NLGN1: variants seen among roughly 807,000 people sequenced by gnomAD.
The protein encoded by NLGN1 is neuroligin 1, also known as neuroligin-1.
NLGN1 carries 12 observed loss-of-function variants against 65.5 expected under a neutral mutation model. The observed-to-expected ratio is 0.18, with a 90% CI of 0.12 to 0.30. NLGN1 has a LOEUF of 0.30. Ranked by LOEUF, NLGN1 falls within the 10% of genes least tolerant of loss-of-function variation. The pLI is 1.00. For missense variants in NLGN1, 750 were observed against 1,007.1 expected (o/e 0.74, Z 3.46); for synonymous variants, 350 against 359.5 (o/e 0.97, Z 0.30).
intron 1 of NLGN1, among the ~76,000 whole-genome samples, chr3:173,429,170 C>T (rs577918253): frequency 1.6e-4 from 25 of 152,172 alleles, no homozygotes; most frequent in Non-Finnish European, 3.1e-4. Context: ...ATCTTATAGA[C>T]ATTCTTTTTT....
intron 4 of NLGN1, among the ~76,000 whole-genome samples, chr3:174,225,417 T>C (rs1739438663): frequency 6.6e-6 from 1 of 152,180 alleles, no homozygotes; most frequent in Non-Finnish European, 1.5e-5. Context: ...TGTCTTATAC[T>C]ATGGCTTTAT....
intron 4 of NLGN1, among the ~76,000 whole-genome samples, chr3:174,110,122 A>G (rs1714864228): frequency 6.6e-6 from 1 of 151,968 alleles, no homozygotes; most frequent in Non-Finnish European, 1.5e-5. Context: ...GCCAGTACCT[A>G]CTTCCCAAGA....
intron 2 of NLGN1, among the ~76,000 whole-genome samples, chr3:173,462,873 G>C (rs962865913): frequency 6.6e-6 from 1 of 152,184 alleles, no homozygotes; most frequent in African/African-American, 2.4e-5. Context: ...TTTATATTCT[G>C]CTGAGACTTT....
chr3:174,000,303 C>T (rs1395980899), intron 4 of NLGN1, among the ~76,000 whole-genome samples: 2 of 151,930 alleles, frequency 1.3e-5, no homozygotes, highest in Non-Finnish European at 2.9e-5. Context: ...TGAATTTTTC[C>T]GTAACATTTA....
intron 4 of NLGN1, among the ~76,000 whole-genome samples, chr3:173,925,946 G>T (rs1195911602): frequency 1.3e-5 from 2 of 151,848 alleles, no homozygotes; most frequent in Non-Finnish European, 2.9e-5. Flanking sequence ...TTTTCAAAAA[G>T]CATACATGCC....
intron 3 of NLGN1, among the ~76,000 whole-genome samples, chr3:173,707,982 A>G (rs541475350): frequency 6.6e-6 from 1 of 152,364 alleles, no homozygotes; most frequent in Admixed American, 6.5e-5. Context: ...TCATAAATGT[A>G]TCACCACAGG....
At chr3:174,046,508 T>C (rs1346379264) in intron 4 of NLGN1, among the ~76,000 whole-genome samples, 3 of 152,150 alleles carry the variant, frequency 2.0e-5, no homozygotes, top group Admixed American at 6.6e-5. Context: ...CCTCCCCCAG[T>C]GTGACATTTG....
chr3:174,005,961 C>G (rs1195088600), intron 4 of NLGN1, among the ~76,000 whole-genome samples: 1 of 151,970 alleles, frequency 6.6e-6, no homozygotes, highest in African/African-American at 2.4e-5. Context: ...TATTTAAGAC[C>G]TTGTTTATGT....
At chr3:173,758,585 C>G (rs1041361195) in intron 3 of NLGN1, among the ~76,000 whole-genome samples, 3 of 151,946 alleles carry the variant, frequency 2.0e-5, no homozygotes, top group Non-Finnish European at 2.9e-5. Flanking sequence ...GCCAGTGTTT[C>G]CCATAATTAG....
chr3:173,756,656 T>C lies in NLGN1; in HGVS notation c.494-51024T>C, dbSNP rs112785032. 4.3e-3 allele frequency among the ~76,000 whole-genome samples: 650 copies of C among 149,700 alleles called. 5 individuals carry two copies. Among genetic ancestry groups the C allele is most frequent in the African/African-American group, 0.015 (608 of 40,812 alleles). ...TTTCCCATTAATAGGAAACAGAACT[T>C]CTTACAAAAATGGCTGATTACAGAT... On this transcript the variant is annotated intron_variant, in intron 3 of 6. Transcript: ENST00000457714.
At chr3:173,513,045 C>A (rs1202447981) in intron 2 of NLGN1, among the ~76,000 whole-genome samples, 1 of 152,114 alleles carries the variant, frequency 6.6e-6, no homozygotes, top group Admixed American at 6.6e-5. Context: ...CCAAAGTGGG[C>A]TAGGAAAACT....
intron 4 of NLGN1, among the ~76,000 whole-genome samples, chr3:174,151,698 G>C (rs534249526): frequency 2.0e-5 from 3 of 152,064 alleles, no homozygotes; most frequent in Non-Finnish European, 2.9e-5. Flanking sequence ...GGTTTCCTTT[G>C]TGTAACCTAG....
At chr3:173,628,978 T>C (rs1017551336) in intron 3 of NLGN1, among the ~76,000 whole-genome samples, 3 of 138,166 alleles carry the variant, frequency 2.2e-5, no homozygotes, top group Admixed American at 2.2e-4. Flanking sequence ...ACACGCTGAA[T>C]ATAATATTTT....
At chr3:174,174,570 T>C (rs1159750389) in intron 4 of NLGN1, among the ~76,000 whole-genome samples, 2 of 152,058 alleles carry the variant, frequency 1.3e-5, no homozygotes, top group South Asian at 2.1e-4. Context: ...ATTTCCCTGA[T>C]CATTAGTGAT....
chr3:173,670,621 T>G (rs2149732459), intron 3 of NLGN1, among the ~76,000 whole-genome samples: 1 of 152,284 alleles, frequency 6.6e-6, no homozygotes, highest in African/African-American at 2.4e-5. Context: ...ACTGAAGGTA[T>G]ACTTTTTCAT....
intron 3 of NLGN1, among the ~76,000 whole-genome samples, chr3:173,692,442 C>T (rs1170554063): frequency 6.6e-6 from 1 of 151,810 alleles, no homozygotes; most frequent in African/African-American, 2.4e-5. Flanking sequence ...GTTATGTGAC[C>T]GCGATATAAT....
At chr3:173,809,005 G>A (rs1717300105) in intron 4 of NLGN1, among the ~76,000 whole-genome samples, 2 of 152,134 alleles carry the variant, frequency 1.3e-5, no homozygotes, top group South Asian at 4.1e-4. Flanking sequence ...TAGTCTGGGG[G>A]AAGGAGACAT....
At chr3:174,123,893 G>T (rs1473406902) in intron 4 of NLGN1, among the ~76,000 whole-genome samples, 1 of 152,090 alleles carries the variant, frequency 6.6e-6, no homozygotes, top group Non-Finnish European at 1.5e-5. Context: ...TTCAAGTCTT[G>T]TATATCATCA....
At chr3:174,102,882 CTAAT>C (rs1428978415) in intron 4 of NLGN1, among the ~76,000 whole-genome samples, 4 of 152,126 alleles carry the variant, frequency 2.6e-5, no homozygotes, top group Non-Finnish European at 5.9e-5. Flanking sequence ...TACGTCTACA[CTAAT>C]TAAGCACCAC....
Sources: allele counts gnomAD v4.1 joint callset (sites outside exome capture counted in the v4.1 genomes callset), GRCh38; gene constraint gnomAD v4.1.1; transcripts MANE v1.5; gene names NCBI Gene and HGNC (gene_info 2026-07-23, HGNC 2026-07-21).